TNR: variants seen among roughly 807,000 people sequenced by gnomAD.
TNR encodes the protein tenascin-R.
TNR carries 45 observed loss-of-function variants against 150.4 expected under a neutral mutation model. The observed-to-expected ratio is 0.30, with a 90% CI of 0.24 to 0.38. The LOEUF (loss-of-function observed/expected upper bound fraction) is 0.38, where lower values mean the gene tolerates loss of function less well. TNR is among the 10% of genes least tolerant of loss of function. The pLI is 1.00. For missense variants in TNR, 1,544 were observed against 1,759.1 expected (o/e 0.88, Z 2.19); for synonymous variants, 687 against 678.4 (o/e 1.01, Z -0.20).
chr1:175,335,289 G>A (rs12059155), intron 20 of TNR: 25,136 of 158,700 alleles, frequency 0.16, 2,182 homozygotes, highest in African/African-American at 0.2. Context: ...TCTTTCCCAG[G>A]TCAGGTAATA....
chr1:175,555,244 G>A (rs1661107092), intron 1 of TNR, among the ~76,000 whole-genome samples: 1 of 152,064 alleles, frequency 6.6e-6, no homozygotes. Context: ...ACATACAGAG[G>A]GGAAAAATCT....
At chr1:175,646,036 A>C (rs569981377) in intron 1 of TNR, among the ~76,000 whole-genome samples, 1 of 152,240 alleles carries the variant, frequency 6.6e-6, no homozygotes, top group Non-Finnish European at 1.5e-5. Flanking sequence ...CTCAGGTGCC[A>C]AGGCAAGGAG....
chr1:175,440,461 C>A (rs1655732038), intron 2 of TNR, among the ~76,000 whole-genome samples: 1 of 151,104 alleles, frequency 6.6e-6, no homozygotes. Flanking sequence ...ACCAACATGG[C>A]ACATGTATAT....
chr1:175,695,766 T>C (rs768589305), intron 1 of TNR, among the ~76,000 whole-genome samples: 24 of 152,246 alleles, frequency 1.6e-4, no homozygotes, highest in Non-Finnish European at 3.2e-4. Flanking sequence ...CATGTTCCTT[T>C]CCTTCAGAAC....
intron 2 of TNR, among the ~76,000 whole-genome samples, chr1:175,511,787 CGTA>C (rs1659185768): frequency 6.6e-6 from 1 of 152,194 alleles, no homozygotes; most frequent in Admixed American, 6.5e-5. Flanking sequence ...TCCCCTGACC[CGTA>C]GTGAGGTGAT....
chr1:175,598,193 T>C (rs1663084696), intron 1 of TNR, among the ~76,000 whole-genome samples: 1 of 152,156 alleles, frequency 6.6e-6, no homozygotes, highest in African/African-American at 2.4e-5. Context: ...TGTATGAACT[T>C]CCCTCAGGAA....
intron 1 of TNR, among the ~76,000 whole-genome samples, chr1:175,710,795 T>C (rs1666990542): frequency 6.6e-6 from 1 of 152,198 alleles, no homozygotes; most frequent in Non-Finnish European, 1.5e-5. Flanking sequence ...ATTTTCCTAA[T>C]GCTTGGCTCC....
chr1:175,465,121 C>T (rs528377086), intron 2 of TNR, among the ~76,000 whole-genome samples: 6 of 152,150 alleles, frequency 3.9e-5, no homozygotes, highest in African/African-American at 1.4e-4. Flanking sequence ...AGCAGGAGTC[C>T]ACCAGCCCTG....
intron 2 of TNR, among the ~76,000 whole-genome samples, chr1:175,504,617 T>C (rs987861415): frequency 6.6e-6 from 1 of 152,124 alleles, no homozygotes; most frequent in Admixed American, 6.6e-5. Flanking sequence ...GATGTCCCTG[T>C]GGGTCACTCC....
chr1:175,613,445 C>T (rs527973556), intron 1 of TNR, among the ~76,000 whole-genome samples: 80 of 152,276 alleles, frequency 5.3e-4, no homozygotes, highest in Non-Finnish European at 9.8e-4. Context: ...CCATATCCCC[C>T]TCCATCAACC....
chr1:175,352,720 A>AAACTTGTTTAATT (rs1409745842), intron 18 of TNR, among the ~76,000 whole-genome samples: 1 of 152,232 alleles, frequency 6.6e-6, no homozygotes, highest in East Asian at 1.9e-4. Context: ...TTTTTTAATT[A>AAACTTGTTTAATT]AAACACTTGT....
intron 2 of TNR, among the ~76,000 whole-genome samples, chr1:175,442,714 T>C (rs1655851663): frequency 6.6e-6 from 1 of 151,708 alleles, no homozygotes; most frequent in Non-Finnish European, 1.5e-5. Context: ...ATAGGAAAAG[T>C]CTTGTCAACT....
chr1:175,488,998 G>A (rs2102136780), intron 2 of TNR, among the ~76,000 whole-genome samples: 1 of 152,318 alleles, frequency 6.6e-6, no homozygotes, highest in South Asian at 2.1e-4. Flanking sequence ...GTCTACCGCG[G>A]GTGGGTTGTG....
chr1:175,421,825 T>C (rs1306891353), intron 2 of TNR, among the ~76,000 whole-genome samples: 1 of 152,186 alleles, frequency 6.6e-6, no homozygotes, highest in Non-Finnish European at 1.5e-5. Flanking sequence ...GATATGATTA[T>C]ATGCCCCAGA....
intron 1 of TNR, among the ~76,000 whole-genome samples, chr1:175,571,237 T>G (rs910125181): frequency 6.6e-6 from 1 of 152,218 alleles, no homozygotes; most frequent in African/African-American, 2.4e-5. Context: ...CATATCACTC[T>G]CTGACCACCT....
At chr1:175,522,573 T>C (rs747144304) in intron 2 of TNR, among the ~76,000 whole-genome samples, 1 of 152,218 alleles carries the variant, frequency 6.6e-6, no homozygotes, top group African/African-American at 2.4e-5. Flanking sequence ...TAAAAAAAAA[T>C]TGCTTTCTTA....
At chr1:175,709,308 TACACACACACAC>T (rs371591261) in intron 1 of TNR, among the ~76,000 whole-genome samples, 1 of 127,760 alleles carries the variant, frequency 7.8e-6, no homozygotes, top group Non-Finnish European at 1.7e-5. Flanking sequence ...CACACACACA[TACACACACACAC>T]ACACACACAC....
chr1:175,563,038 G>A (rs1294257411), intron 1 of TNR, among the ~76,000 whole-genome samples: 1 of 152,236 alleles, frequency 6.6e-6, no homozygotes, highest in Non-Finnish European at 1.5e-5. Flanking sequence ...TGCAGAGTCA[G>A]CCAAGCAAGG....
Position 175,642,964 on chromosome 1 carries a change from AT to A in TNR, c.-165+100261del, listed in dbSNP as rs1342441693. Among the ~76,000 whole-genome samples the A allele has an allele frequency of 3.3e-5, 5 of 152,334 alleles. No homozygotes were observed. In the East Asian group the frequency reaches 9.6e-4, roughly 29 times the overall value. Reference sequence around the variant, plus strand: ...TATATAAGAAATGCACATATATAATATGTAAAAGCAAGTATTGAGCCTAAAA... The same window carrying A: ...TATATAAGAAATGCACATATATAATAGTAAAAGCAAGTATTGAGCCTAAAA... On this transcript the variant is annotated intron_variant, in intron 1 of 22. Coordinates refer to ENST00000367674, the MANE Select transcript of TNR (RefSeq NM_003285.3).
Sources: gnomAD v4.1 joint callset for allele counts (sites outside exome capture counted in the v4.1 genomes callset) on GRCh38, gnomAD v4.1.1 for gene constraint, MANE v1.5 for transcripts, NCBI Gene and HGNC (gene_info 2026-07-23, HGNC 2026-07-21) for gene names.